FAM227B: variants seen among roughly 807,000 people sequenced by gnomAD.
The protein encoded by FAM227B is family with sequence similarity 227 member B.
FAM227B carries 88 observed loss-of-function variants against 73.8 expected under a neutral mutation model. That is an observed-to-expected ratio of 1.19 (90% CI 1.00 to 1.42). The LOEUF is 1.42. Ranked by LOEUF, FAM227B falls within the 40% of genes most tolerant of loss-of-function variation. The pLI is 0.00. For missense variants in FAM227B, 632 were observed against 590.9 expected (o/e 1.07, Z -0.72); for synonymous variants, 210 against 190.5 (o/e 1.10, Z -0.84).
intron 8 of FAM227B, among the ~76,000 whole-genome samples, chr15:49,571,131 G>T (rs1002139581): frequency 2.0e-5 from 3 of 151,362 alleles, no homozygotes; most frequent in African/African-American, 7.3e-5. Context: ...TCTACTTTCA[G>T]TTTTTTTGTG....
intron 11 of FAM227B, among the ~76,000 whole-genome samples, chr15:49,415,267 C>T (rs552217850): frequency 1.1e-4 from 17 of 152,224 alleles, no homozygotes; most frequent in African/African-American, 3.9e-4. Flanking sequence ...TTAGAGCTAA[C>T]AATGTAATAA....
In FAM227B at chr15:49,489,845, A is replaced by ATTT. The variant is rs2056837894; in HGVS notation, c.1012+18365_1012+18366insAAA. 3.9e-4 allele frequency among the ~76,000 whole-genome samples: 7 copies of ATTT among 17,900 alleles called. 2 individuals carry two copies. The Admixed American group carries it at 7.9e-3, about 20-fold the overall frequency. The allele number at this position is 17,900 out of a possible 152,430, so 11.7% of individuals were successfully genotyped here. A position where few individuals can be genotyped will look rare whatever the true frequency, so the allele number is the denominator to read the frequency against. On this transcript the variant is annotated intron_variant, in intron 11 of 15. Transcript: ENST00000299338. ...TTTTATATATATATATATATTTTAT[A>ATTT]TATATATATATATTTTATATATATA... is the stretch of plus-strand genomic sequence containing the variant.
chr15:49,425,552 T>C (rs1444551112), intron 11 of FAM227B: 2 of 151,992 alleles, frequency 1.3e-5, no homozygotes, highest in Non-Finnish European at 2.9e-5. Context: ...TTAATTGTTT[T>C]AAAGTCATTT....
chr15:49,383,886 T>C (rs766861988), intron 11 of FAM227B, among the ~76,000 whole-genome samples: 4 of 152,094 alleles, frequency 2.6e-5, no homozygotes, highest in Non-Finnish European at 5.9e-5. Context: ...GGGCCATAGT[T>C]TTCTCTACCA....
intron 2 of FAM227B, among the ~76,000 whole-genome samples, chr15:49,613,491 A>C (rs2153338252): frequency 6.6e-6 from 1 of 152,274 alleles, no homozygotes; most frequent in African/African-American, 2.4e-5. Flanking sequence ...ACAGAGCGAG[A>C]CTCTCTCTAA....
intron 11 of FAM227B, among the ~76,000 whole-genome samples, chr15:49,458,750 A>C (rs568501220): frequency 1.3e-5 from 2 of 152,242 alleles, no homozygotes; most frequent in African/African-American, 4.8e-5. Flanking sequence ...GATATTTCTG[A>C]AGTTCCTAAA....
At position 49,498,766 on chromosome 15, in the gene FAM227B, G is replaced by C. The variant is rs549337671; in HGVS notation, c.1012+9445C>G. On this transcript the variant is annotated intron_variant, in intron 11 of 15. Transcript: ENST00000299338. ...GACACCCATAGACTCAAAATAAAGG[G>C]ATGGAAAAGGATCTGTCAGCCAAAT... Among the ~76,000 whole-genome samples, 5 of 152,272 alleles carry C rather than the reference G, an allele frequency of 3.3e-5. No homozygotes were observed. The South Asian group carries it at 6.2e-4, about 19-fold the overall frequency.
At chr15:49,595,911 A>G (rs2076860282) in intron 3 of FAM227B, among the ~76,000 whole-genome samples, 2 of 151,430 alleles carry the variant, frequency 1.3e-5, no homozygotes, top group Admixed American at 6.6e-5. Context: ...CAGTCCAACA[A>G]AGACAAAGGA....
intron 11 of FAM227B, among the ~76,000 whole-genome samples, chr15:49,414,746 G>A (rs992929449): frequency 1.3e-5 from 2 of 152,056 alleles, no homozygotes; most frequent in African/African-American, 4.8e-5. Flanking sequence ...GAAGAAACAG[G>A]TGTAGAAGAA....
At position 49,467,732 on chromosome 15, in the gene FAM227B, A is replaced by G. The variant is rs182031242; in HGVS notation, c.1012+40479T>C. 3.4e-3 allele frequency among the ~76,000 whole-genome samples: 518 copies of G among 152,278 alleles called. 4 individuals carry two copies. Among genetic ancestry groups the G allele is most frequent in the African/African-American group, 0.012 (495 of 41,572 alleles). ...AATAATTCTTTCTGTATAAAAGTTT[A>G]GAATCTTTAGTGATTAGAGAGTAAA... On this transcript the variant is annotated intron_variant, in intron 11 of 15. Transcript: ENST00000299338.
At position 49,405,110 on chromosome 15, in the gene FAM227B, T is replaced by C. The variant is rs1260651538; in HGVS notation, c.1013-33711A>G. Among the ~76,000 whole-genome samples the C allele has an allele frequency of 2.6e-5, 4 of 152,216 alleles. No homozygotes were observed. In the East Asian group the frequency reaches 7.7e-4, roughly 29 times the overall value. ...CTCTTCTGGCTTGTAGGGTTTCTGC[T>C]GAGAAGCCCTCTGTTAGTCTTATGG... On this transcript the variant is annotated intron_variant, in intron 11 of 15. Coordinates refer to ENST00000299338, the MANE Select transcript of FAM227B (RefSeq NM_152647.3).
chr15:49,352,274 T>A (rs1291801770), intron 13 of FAM227B, among the ~76,000 whole-genome samples: 1 of 152,166 alleles, frequency 6.6e-6, no homozygotes, highest in African/African-American at 2.4e-5. Context: ...ACTCTAATGG[T>A]TGAGGAATTA....
In FAM227B at chr15:49,328,464, A is replaced by G. The variant is rs1302992102; in HGVS notation, c.*104T>C. On this transcript the variant is annotated 3_prime_UTR_variant, in exon 16 of 16. Coordinates refer to ENST00000299338, the MANE Select transcript of FAM227B (RefSeq NM_152647.3). The stretch of plus-strand genomic sequence containing the variant: ...ATGAATGGTAAAACACACTCTTAAT[A>G]CTGATTACATGGATTGGACTTGAAT... The G allele has an allele frequency of 1.3e-6, 2 of 1,519,780 alleles. No individual in the cohort carries two copies. The highest frequency in any genetic ancestry group is 1.8e-6 in the Non-Finnish European group (2 of 1,133,842). The allele number at this position is 1,519,780 out of a possible 1,614,324, so 94.1% of individuals were successfully genotyped here.
At chr15:49,519,342 C>T (rs899049813) in intron 10 of FAM227B, among the ~76,000 whole-genome samples, 8 of 152,220 alleles carry the variant, frequency 5.3e-5, no homozygotes, top group Non-Finnish European at 1.2e-4. Flanking sequence ...CTTCTCACAG[C>T]TCCACTAGGC....
Position 49,587,487 on chromosome 15 carries a change from A to T in FAM227B, c.405+529T>A, listed in dbSNP as rs1007726164. 3.9e-5 allele frequency among the ~76,000 whole-genome samples: 6 copies of T among 152,292 alleles called. No individual in the cohort carries two copies. In the South Asian group the frequency reaches 1.0e-3, roughly 26 times the overall value. On this transcript the variant is annotated intron_variant, in intron 5 of 15. Coordinates refer to ENST00000299338, the MANE Select transcript of FAM227B (RefSeq NM_152647.3). ...CATGTAACCCTGAACTGAAAATAAA[A>T]GTTAAATTTTTAAAAATAAAGCATT...
In FAM227B at chr15:49,614,859, T is replaced by A. The variant is rs571016120; in HGVS notation, c.51+262A>T. 2.9e-4 allele frequency: 123 copies of A among 422,474 alleles called. 1 individual carries two copies. Among genetic ancestry groups the A allele is most frequent in the Admixed American group, 2.9e-3 (82 of 28,358 alleles). 26.2% of individuals were successfully genotyped at this position (422,474 alleles called of 1,614,324 possible). A position where few individuals can be genotyped will look rare whatever the true frequency, so the allele number is the denominator to read the frequency against. On this transcript the variant is annotated intron_variant, in intron 2 of 15. Transcript: ENST00000299338. ...ATGGTTACATTTCTTCCTTGCTATA[T>A]AAAACCCTAATTTTAGTCAGTCAGG...
At chr15:49,343,131 A>G (rs925579965) in intron 13 of FAM227B, among the ~76,000 whole-genome samples, 16 of 152,130 alleles carry the variant, frequency 1.1e-4, no homozygotes, top group African/African-American at 3.6e-4. Flanking sequence ...TCTGTGTTGT[A>G]TACTTTTTCT....
intron 3 of FAM227B, among the ~76,000 whole-genome samples, chr15:49,601,337 T>TA (rs2153306661): frequency 6.6e-6 from 1 of 152,058 alleles, no homozygotes; most frequent in Non-Finnish European, 1.5e-5. Context: ...TAAAACATCT[T>TA]ACAGTTATTA....
In FAM227B at chr15:49,601,015, C is replaced by A. The variant is rs372738391; in HGVS notation, c.105+10200G>T. ...GGAGATCGCGCCATTGCACTCCAGC[C>A]TGGGTGACAGAGCAAGACTCTGTCT... On this transcript the variant is annotated intron_variant, in intron 3 of 15. Transcript: ENST00000299338. 2.0e-3 allele frequency among the ~76,000 whole-genome samples: 290 copies of A among 146,186 alleles called. 1 individual carries two copies. The highest frequency in any genetic ancestry group is 7.0e-3 in the African/African-American group (278 of 39,776).
Sources: gnomAD v4.1 joint callset for allele counts (sites outside exome capture counted in the v4.1 genomes callset) on GRCh38, gnomAD v4.1.1 for gene constraint, MANE v1.5 for transcripts, NCBI Gene and HGNC (gene_info 2026-07-23, HGNC 2026-07-21) for gene names.